MORC3: variants seen among roughly 807,000 people sequenced by gnomAD.
The protein encoded by MORC3 is MORC family CW-type zinc finger protein 3.
MORC3 carries 31 observed loss-of-function variants against 109.1 expected under a neutral mutation model. That is an observed-to-expected ratio of 0.28 (90% CI 0.21 to 0.38). The LOEUF (loss-of-function observed/expected upper bound fraction) is 0.38. Ranked by LOEUF, MORC3 falls within the 10% of genes least tolerant of loss-of-function variation. MORC3 has a pLI of 1.00. For synonymous variants in MORC3, 395 were observed against 380.7 expected, an observed-to-expected ratio of 1.04 and a Z score of -0.44; for missense variants, 867 against 1,135.8, an observed-to-expected ratio of 0.76 and a Z score of 3.40.
chr21:36,372,239 G>T, intron 15 of MORC3, 135 bp from the exon 16 acceptor site: 1 of 684,396 alleles, frequency 1.5e-6, no homozygotes, highest in Non-Finnish European at 2.2e-6. Context: ...GAAAACTACT[G>T]GTTTTTCTTT....
intron 10 of MORC3, among the ~76,000 whole-genome samples, chr21:36,359,163 CATT>C (rs2085682786): frequency 6.6e-6 from 1 of 152,090 alleles, no homozygotes; most frequent in African/African-American, 2.4e-5. Flanking sequence ...GTAGATTTAA[CATT>C]GTAGACACTA....
intron 10 of MORC3, 60 bp from the exon 11 acceptor site, chr21:36,359,895 C>T (rs1009781804): frequency 1.3e-5 from 21 of 1,583,052 alleles, no homozygotes; most frequent in Non-Finnish European, 1.5e-5. Context: ...TGTGGAACAT[C>T]TGATGAAGTA....
chr21:36,369,888 C>T lies in MORC3; in HGVS notation c.2508+12C>T. 6.2e-7 allele frequency: 1 copy of T among 1,605,414 alleles called. No individual in the cohort carries two copies. Among genetic ancestry groups the T allele is most frequent in the South Asian group, 1.1e-5 (1 of 90,478 alleles). On this transcript the variant is annotated intron_variant, in intron 15 of 16. Coordinates refer to ENST00000400485, the MANE Select transcript of MORC3 (RefSeq NM_015358.3). Reference sequence around the variant, plus strand: ...AGTATAAAAGTGAGGTGAGTTATATCATCCAACATGTAGTCATGGAGTCCA... The same window carrying T: ...AGTATAAAAGTGAGGTGAGTTATATTATCCAACATGTAGTCATGGAGTCCA...
In MORC3 at chr21:36,369,319, AAAG is replaced by A. The variant is rs1207915974; in HGVS notation, c.1957_1959del (p.Glu653del). On this transcript the variant is annotated inframe_deletion, in exon 15 of 17. Coordinates refer to ENST00000400485, the MANE Select transcript of MORC3 (RefSeq NM_015358.3). ...TGAAGTACCAAGTTTAGTTGTTAAA[AAAG>A]AAGAAACTGTTGAAGACGAGATAGA... 2 of 1,614,210 alleles carry A rather than the reference AAAG, an allele frequency of 1.2e-6. No homozygotes were observed. The highest frequency in any genetic ancestry group is 2.7e-5 in the African/African-American group (2 of 75,064).
intron 13 of MORC3, among the ~76,000 whole-genome samples, chr21:36,362,961 A>G (rs1489695618): frequency 6.6e-6 from 1 of 152,098 alleles, no homozygotes; most frequent in East Asian, 1.9e-4. Context: ...CCAGGAAGCC[A>G]TATTTTAGTG....
chr21:36,357,314 AT>A (rs1340094651), intron 10 of MORC3, among the ~76,000 whole-genome samples: 2 of 152,198 alleles, frequency 1.3e-5, no homozygotes, highest in African/African-American at 4.8e-5. Flanking sequence ...CATTATACAT[AT>A]TATTCATAAT....
chr21:36,358,328 T>G (rs1311600594), intron 10 of MORC3, among the ~76,000 whole-genome samples: 1 of 151,926 alleles, frequency 6.6e-6, no homozygotes, highest in Non-Finnish European at 1.5e-5. Context: ...GAGGTTGCAA[T>G]GAACCGAGAT....
intron 1 of MORC3, chr21:36,320,676 G>A (rs942356705): frequency 4.6e-6 from 1 of 219,332 alleles, no homozygotes; most frequent in Non-Finnish European, 8.9e-6. Context: ...GTCGTGGTGG[G>A]AGGGAGCGGG....
Position 36,337,724 on chromosome 21 carries a change from C to T in MORC3, c.246-8C>T, listed in dbSNP as rs1372402822. On this transcript the variant is annotated splice_region_variant and splice_polypyrimidine_tract_variant and intron_variant, in intron 3 of 16. Transcript: ENST00000400485. ...ATTTATTTTTAAAAATCTTTATTTTCTTCTTAGCTTTGGCTTCAGTGACAA... is the reference window on the plus strand; with the variant it reads ...ATTTATTTTTAAAAATCTTTATTTTTTTCTTAGCTTTGGCTTCAGTGACAA... 9.0e-6 allele frequency: 14 copies of T among 1,554,046 alleles called. No homozygotes were observed. In the East Asian group the frequency reaches 1.2e-4, roughly 13 times the overall value.
chr21:36,372,535 A>C lies in MORC3; in HGVS notation c.2666+4A>C. On this transcript the variant is annotated splice_donor_region_variant and intron_variant, in intron 16 of 16. Coordinates refer to ENST00000400485, the MANE Select transcript of MORC3 (RefSeq NM_015358.3). ...TAAATCATATGGATGGAGAAAGGTAATATTAAATGAGGCGTTTTTGTGGGG... is the reference window on the plus strand; with the variant it reads ...TAAATCATATGGATGGAGAAAGGTACTATTAAATGAGGCGTTTTTGTGGGG... 1 of 1,571,394 alleles carries C rather than the reference A, an allele frequency of 6.4e-7. No homozygotes were observed. Among genetic ancestry groups the C allele is most frequent in the Non-Finnish European group, 8.6e-7 (1 of 1,167,202 alleles).
intron 8 of MORC3, 121 bp downstream of exon 8, chr21:36,345,152 G>A (rs2085493363): frequency 3.7e-6 from 4 of 1,079,844 alleles, no homozygotes; most frequent in South Asian, 1.8e-5. Context: ...GCTTTTTAAT[G>A]TAAATTTGTA....
intron 2 of MORC3, 71 bp downstream of exon 2, chr21:36,333,789 G>GTTTTT (rs376936555): frequency 8.5e-6 from 8 of 937,110 alleles, no homozygotes; most frequent in Non-Finnish European, 1.1e-5. Context: ...GTTTTGTTTT[G>GTTTTT]TTTTTTTTTT....
chr21:36,344,596 A>G lies in MORC3; in HGVS notation c.774A>G (p.Leu258=). Residue 258 remains leucine (L), a synonymous_variant, in exon 7 of 17, where the codon TTA becomes TTG. Transcript: ENST00000400485. ...TTTTCCAGGCTTATTGCAGTATATT[A>G]TATCTAAAGCCAAGAATGCAGATCA... The part of the protein sequence containing the change: ...DYSLRAYCSI[L]YLKPRMQIIL... 2 of 1,613,906 alleles carry G rather than the reference A, an allele frequency of 1.2e-6. No homozygotes were observed. Among genetic ancestry groups the G allele is most frequent in the South Asian group, 1.1e-5 (1 of 91,070 alleles).
At chr21:36,374,903 C>G (rs1410663848) in intron 16 of MORC3, among the ~76,000 whole-genome samples, 1 of 152,168 alleles carries the variant, frequency 6.6e-6, no homozygotes, top group Non-Finnish European at 1.5e-5. Flanking sequence ...AACTCCTGGG[C>G]TCCAGCGATC....
chr21:36,320,327 C>T (rs766423251), intron 1 of MORC3, 24 bp downstream of exon 1: 16 of 1,322,320 alleles, frequency 1.2e-5, no homozygotes, highest in Non-Finnish European at 1.4e-5. Flanking sequence ...AGGGGTGGAG[C>T]GGGCCGTGTC....
chr21:36,344,284 T>G (rs950176414), intron 6 of MORC3, among the ~76,000 whole-genome samples: 5 of 152,146 alleles, frequency 3.3e-5, no homozygotes, highest in African/African-American at 1.2e-4. Flanking sequence ...AAAATTAAAA[T>G]GTGATCATAC....
Position 36,369,010 on chromosome 21 carries a change from C to A in MORC3, c.1642C>A (p.Arg548Ser). The part of the protein sequence containing the change: ...SNSLKRRLST[R>S]SSILNAKNRR... Reference sequence around the variant, plus strand: ...CAGCTTGAAACGGAGACTTTCTACTCGTTCCTCAATTTTGAATGCAAAGAA... The same window carrying A: ...CAGCTTGAAACGGAGACTTTCTACTAGTTCCTCAATTTTGAATGCAAAGAA... The change falls in exon 15 of 17, where the codon CGT becomes AGT. Residue 548 changes from arginine to serine, a missense_variant. By Grantham distance (110) the Arg-to-Ser change is moderately radical. Coordinates refer to ENST00000400485, the MANE Select transcript of MORC3 (RefSeq NM_015358.3). 6.2e-7 allele frequency: 1 copy of A among 1,609,600 alleles called. No homozygotes were observed.
intron 1 of MORC3, among the ~76,000 whole-genome samples, chr21:36,325,273 C>T (rs562606024): frequency 5.9e-5 from 9 of 152,230 alleles, no homozygotes; most frequent in South Asian, 4.1e-4. Context: ...AAAAGCCAGG[C>T]GGAATTGCTA....
chr21:36,356,528 T>C, intron 9 of MORC3, 92 bp from the exon 10 acceptor site: 1 of 682,882 alleles, frequency 1.5e-6, no homozygotes, highest in Non-Finnish European at 2.3e-6. Flanking sequence ...TGGAGTTTTT[T>C]CTCTTCACAG....
Sources: allele counts gnomAD v4.1 joint callset (sites outside exome capture counted in the v4.1 genomes callset), GRCh38; gene constraint gnomAD v4.1.1; transcripts MANE v1.5; gene names NCBI Gene and HGNC (gene_info 2026-07-23, HGNC 2026-07-21).